KRT23: variants seen among roughly 807,000 people sequenced by gnomAD.
KRT23 encodes the protein keratin, type I cytoskeletal 23.
In KRT23, 38 loss-of-function variants were observed where a neutral mutation model predicts 47.6. The ratio of observed to expected loss-of-function variants is 0.80; its 90% CI spans 0.62 to 1.05. The LOEUF (loss-of-function observed/expected upper bound fraction) is 1.05. Among genes scored for constraint, KRT23 ranks in the 50% least tolerant of loss-of-function variants. The probability of loss-of-function intolerance (pLI) is 0.00; values close to 1 mark genes in which losing one functional copy is unlikely to be tolerated. For missense variants in KRT23, 503 were observed against 529.5 expected, an observed-to-expected ratio of 0.95 and a Z score of 0.49; for synonymous variants, 191 against 199.0, an observed-to-expected ratio of 0.96 and a Z score of 0.34.
chr17:40,932,287 T>G (rs549050618), intron 2 of KRT23, among the ~76,000 whole-genome samples: 1 of 152,304 alleles, frequency 6.6e-6, no homozygotes, highest in Admixed American at 6.5e-5. Flanking sequence ...TTTTTTTTAC[T>G]TTGAAAAGAA....
At chr17:40,934,470 T>C (rs1909911843) in intron 2 of KRT23, among the ~76,000 whole-genome samples, 1 of 152,210 alleles carries the variant, frequency 6.6e-6, no homozygotes, top group Non-Finnish European at 1.5e-5. Flanking sequence ...TCCAAAGGAT[T>C]TAGACAATGA....
Position 40,924,523 on chromosome 17 carries a change from TAA to T in KRT23, c.1143-22_1143-21del. 1 of 1,607,188 alleles carries T rather than the reference TAA, an allele frequency of 6.2e-7. No individual in the cohort carries two copies. Among genetic ancestry groups the T allele is most frequent in the Non-Finnish European group, 8.5e-7 (1 of 1,174,108 alleles). ...CGTGTCCTATAAAAGTGATAAAGGT[TAA>T]AGCTCACTTTAGTATTAGCAACAAT... On this transcript the variant is annotated intron_variant, in intron 7 of 8. Coordinates refer to ENST00000209718, the MANE Select transcript of KRT23 (RefSeq NM_015515.5).
chr17:40,930,119 A>G (rs372350138), intron 3 of KRT23, 23 bp from the exon 4 acceptor site: 3 of 1,602,158 alleles, frequency 1.9e-6, no homozygotes, highest in Non-Finnish European at 2.6e-6. Context: ...GGAAGAGAAG[A>G]GTGCACTCAT....
intron 6 of KRT23, among the ~76,000 whole-genome samples, chr17:40,925,831 T>C (rs890799490): frequency 7.2e-5 from 11 of 152,184 alleles, no homozygotes; most frequent in South Asian, 2.1e-4. Flanking sequence ...TTTGACCTGA[T>C]TGAAAACTCC....
intron 6 of KRT23, among the ~76,000 whole-genome samples, chr17:40,927,411 G>A (rs1185917729): frequency 6.6e-6 from 1 of 152,116 alleles, no homozygotes; most frequent in Admixed American, 6.5e-5. Flanking sequence ...TGATCTCTAC[G>A]TGCACATTTG....
chr17:40,928,357 C>T lies in KRT23; in HGVS notation c.802G>A (p.Ala268Thr). 6.2e-7 allele frequency: 1 copy of T among 1,614,204 alleles called. No homozygotes were observed. Among genetic ancestry groups the T allele is most frequent in the Non-Finnish European group, 8.5e-7 (1 of 1,180,046 alleles). Residue 268 changes from alanine (A) to threonine (T), a missense_variant, in exon 6 of 9, where the codon GCA becomes ACA. Transcript: ENST00000209718. Reference protein sequence around the residue: ...DLDTWYKEQSAAMSQEAASPA... With the variant: ...DLDTWYKEQSTAMSQEAASPA... ...CTGGCTGCCTCCTGGGACATGGCTG[C>T]AGACTGTGGGACCAAGCAAGGCAAA...
chr17:40,924,987 A>G (rs1382868676), intron 7 of KRT23, among the ~76,000 whole-genome samples: 2 of 122,310 alleles, frequency 1.6e-5, no homozygotes, highest in Non-Finnish European at 3.2e-5. Flanking sequence ...TCTCTAGCTC[A>G]TATGCATCTT....
intron 7 of KRT23, 73 bp from the exon 8 acceptor site, chr17:40,924,576 A>G: frequency 8.4e-7 from 1 of 1,185,088 alleles, no homozygotes; most frequent in Non-Finnish European, 1.3e-6. Flanking sequence ...GGATGAACTA[A>G]CTTCCTTCGC....
chr17:40,925,820 C>G (rs1374942606), intron 6 of KRT23, among the ~76,000 whole-genome samples: 1 of 152,146 alleles, frequency 6.6e-6, no homozygotes, highest in Non-Finnish European at 1.5e-5. Context: ...TTCATTTTAT[C>G]TTTGACCTGA....
intron 2 of KRT23, among the ~76,000 whole-genome samples, chr17:40,934,845 G>GT (rs1469273530): frequency 1.3e-5 from 2 of 152,186 alleles, no homozygotes; most frequent in Non-Finnish European, 2.9e-5. Flanking sequence ...CTCTTGGATA[G>GT]TGTTGACATG....
chr17:40,925,031 C>A (rs1909138652), intron 7 of KRT23: 1 of 372,622 alleles, frequency 2.7e-6, no homozygotes, highest in Non-Finnish European at 4.8e-6. Flanking sequence ...TGGACTAACA[C>A]ATTCCCCCTG....
In KRT23 at chr17:40,936,838, C is replaced by T; in HGVS notation, c.-235G>A. The T allele has an allele frequency of 2.5e-6, 1 of 402,920 alleles. No individual in the cohort carries two copies. Among genetic ancestry groups the T allele is most frequent in the South Asian group, 1.3e-4 (1 of 7,808 alleles). 25.0% of individuals were successfully genotyped at this position (402,920 alleles called of 1,614,324 possible). A position where few individuals can be genotyped will look rare whatever the true frequency, so the allele number is the denominator to read the frequency against. ...GTTGTTTAGAGCCACATCAATATGA[C>T]AGTTTGCTTCCTCCCTTCCCCTGGT... On this transcript the variant is annotated 5_prime_UTR_variant, in exon 2 of 9. Transcript: ENST00000209718.
Position 40,925,527 on chromosome 17 carries a change from G to A in KRT23, c.969C>T (p.Ser323=), listed in dbSNP as rs768572603. ...NMLSETQSRY[S]CKLQDMQEII... ...TCTCTTGCATGTCCTGGAGCTTGCA[G>A]GAGTACCGAGACTGGGTCTCGGATA... is the stretch of plus-strand genomic sequence containing the variant. Residue 323 remains serine, a synonymous_variant, in exon 7 of 9, where the codon TCC becomes TCT. Coordinates refer to ENST00000209718, the MANE Select transcript of KRT23 (RefSeq NM_015515.5). The A allele has an allele frequency of 6.2e-7, 1 of 1,614,160 alleles. No individual in the cohort carries two copies. Among genetic ancestry groups the A allele is most frequent in the East Asian group, 2.2e-5 (1 of 44,884 alleles).
intron 6 of KRT23, 130 bp downstream of exon 6, chr17:40,928,108 C>T: frequency 8.5e-7 from 1 of 1,174,782 alleles, no homozygotes; most frequent in Non-Finnish European, 1.2e-6. Flanking sequence ...TCATCATAAA[C>T]AATTTGGATG....
At chr17:40,928,186 G>T (rs1021827034) in intron 6 of KRT23, 52 bp downstream of exon 6, 2 of 1,610,828 alleles carry the variant, frequency 1.2e-6, no homozygotes, top group Non-Finnish European at 1.7e-6. Flanking sequence ...GTCTCAGAAG[G>T]CTTCGTGAAG....
intron 7 of KRT23, 72 bp from the exon 8 acceptor site, chr17:40,924,575 A>C (rs1909111514): frequency 8.3e-7 from 1 of 1,197,734 alleles, no homozygotes; most frequent in Non-Finnish European, 1.2e-6. Context: ...AGGATGAACT[A>C]ACTTCCTTCG....
intron 6 of KRT23, among the ~76,000 whole-genome samples, chr17:40,926,859 G>A (rs1001536294): frequency 3.3e-5 from 5 of 151,974 alleles, no homozygotes; most frequent in Non-Finnish European, 7.4e-5. Context: ...TTGGGACTCC[G>A]CGGCCTCACC....
intron 8 of KRT23, 58 bp downstream of exon 8, chr17:40,924,414 G>T: frequency 7.2e-7 from 1 of 1,396,640 alleles, no homozygotes; most frequent in Non-Finnish European, 1.0e-6. Context: ...ACTACAAAAT[G>T]GATAACCATG....
Position 40,928,486 on chromosome 17 carries a change from T to C in KRT23, c.758A>G (p.Lys253Arg), listed in dbSNP as rs751483313. 1.2e-6 allele frequency: 2 copies of C among 1,614,076 alleles called. No homozygotes were observed. The highest frequency in any genetic ancestry group is 1.7e-5 in the Admixed American group (1 of 60,010). The change falls in exon 5 of 9, where the codon AAG becomes AGG. Residue 253 changes from lysine (K) to arginine (R), a missense_variant. Coordinates refer to ENST00000209718, the MANE Select transcript of KRT23 (RefSeq NM_015515.5). Reference protein sequence around the residue: ...DMRQEYELIIKKKHRDLDTWY... With the variant: ...DMRQEYELIIRKKHRDLDTWY... ...AGTGTCCAAGTCTCGATGCTTCTTC[T>C]TTATTATAAGCTCATATTCTTGTCT... is the stretch of plus-strand genomic sequence containing the variant.
Sources: gnomAD v4.1 joint callset for allele counts (sites outside exome capture counted in the v4.1 genomes callset) on GRCh38, gnomAD v4.1.1 for gene constraint, MANE v1.5 for transcripts, NCBI Gene and HGNC (gene_info 2026-07-23, HGNC 2026-07-21) for gene names.